The following SYNE1 variants were observed in gnomAD, a reference collection of about 807,000 sequenced individuals.
The protein encoded by SYNE1 is spectrin repeat containing nuclear envelope protein 1, also known as nesprin-1.
In SYNE1, 616 loss-of-function variants were observed where a neutral mutation model predicts 1,111.0. That is an observed-to-expected ratio of 0.55 (90% CI 0.52 to 0.59). The LOEUF is 0.59. Ranked by LOEUF, SYNE1 falls within the 20% of genes least tolerant of loss-of-function variation. SYNE1 has a pLI of 0.00. For synonymous variants in SYNE1, 3,855 were observed against 3,825.8 expected (o/e 1.01, Z -0.28); for missense variants, 10,006 against 10,417.0 (o/e 0.96, Z 1.72).
intron 40 of SYNE1, 37 bp from the exon 41 acceptor site, chr6:152,417,052 C>A: frequency 6.2e-7 from 1 of 1,611,590 alleles, no homozygotes; most frequent in South Asian, 1.1e-5. Context: ...TCCTGAGATA[C>A]ACTACAGTCT....
chr6:152,403,367 A>G (rs555624311), intron 46 of SYNE1, among the ~76,000 whole-genome samples: 1 of 152,284 alleles, frequency 6.6e-6, no homozygotes, highest in African/African-American at 2.4e-5. Context: ...TGATCCCTCT[A>G]AACCCAGTTA....
In SYNE1 at chr6:152,176,393, C is replaced by T. The variant is rs1409294007; in HGVS notation, c.23627+1G>A. The T allele has an allele frequency of 1.9e-6, 3 of 1,613,976 alleles. No homozygotes were observed. Among genetic ancestry groups the T allele is most frequent in the Non-Finnish European group, 1.7e-6 (2 of 1,180,006 alleles). ...GCCCTATTGACTCAGGTCCTCTTTA[C>T]CTGGCTGCAATGAGGTCCAGGAGAT... On this transcript the variant is annotated splice_donor_variant, in intron 130 of 145. Transcript: ENST00000367255. LOFTEE classifies it high-confidence loss of function.
intron 8 of SYNE1, among the ~76,000 whole-genome samples, chr6:152,509,359 C>A (rs903781625): frequency 1.3e-5 from 2 of 149,954 alleles, no homozygotes; most frequent in Non-Finnish European, 3.0e-5. Context: ...CAGGTTCAAG[C>A]GATTCTGGTG....
At chr6:152,334,961 T>C (rs2096348398) in intron 76 of SYNE1, among the ~76,000 whole-genome samples, 1 of 152,186 alleles carries the variant, frequency 6.6e-6, no homozygotes, top group Non-Finnish European at 1.5e-5. Flanking sequence ...TGGTGTTATG[T>C]ACAGAGTTGG....
chr6:152,273,260 G>A lies in SYNE1; in HGVS notation c.18574-3974C>T, dbSNP rs62428359. On this transcript the variant is annotated intron_variant, in intron 98 of 145. Coordinates refer to ENST00000367255, the MANE Select transcript of SYNE1 (RefSeq NM_182961.4). ...GGTGTGTACATGCTCAGTCCAGCCC[G>A]CTAAGTCTCAAGCCTGGCCTTTCAG... 7.7e-3 allele frequency among the ~76,000 whole-genome samples: 1,166 copies of A among 152,306 alleles called. 9 individuals carry two copies. The highest frequency in any genetic ancestry group is 0.013 in the Non-Finnish European group (903 of 68,036).
At chr6:152,599,540 C>A (rs1393223737) in intron 3 of SYNE1, among the ~76,000 whole-genome samples, 2 of 152,174 alleles carry the variant, frequency 1.3e-5, no homozygotes, top group African/African-American at 4.8e-5. Flanking sequence ...CCAGATACAT[C>A]AGGGTTTTTT....
intron 116 of SYNE1, among the ~76,000 whole-genome samples, chr6:152,225,070 T>A (rs1011229298): frequency 2.0e-5 from 3 of 151,396 alleles, no homozygotes; most frequent in Non-Finnish European, 2.9e-5. Flanking sequence ...CATTAACTCA[T>A]TTAATCCTCA....
At chr6:152,133,804 T>A (rs1195738033) in intron 142 of SYNE1, 1 of 337,624 alleles carries the variant, frequency 3.0e-6, no homozygotes, top group Non-Finnish European at 5.5e-6. Context: ...GCAAGTGAGA[T>A]GTAAGATAAT....
At position 152,425,412 on chromosome 6, in the gene SYNE1, A is replaced by T; in HGVS notation, c.5236T>A (p.Trp1746Arg). Residue 1746 changes from tryptophan (W) to arginine (R), a missense_variant, in exon 39 of 146, where the codon TGG (tryptophan) becomes AGG (arginine). Trp to Arg is a moderately radical substitution (Grantham distance 101, BLOSUM62 -3). This residue lies in a region of SYNE1 where 1,971 missense variants were observed against 2,084.1 expected (regional missense o/e 0.95). Coordinates refer to ENST00000367255, the MANE Select transcript of SYNE1 (RefSeq NM_182961.4). The stretch of plus-strand genomic sequence containing the variant: ...TTAATGATCTGTGGTAAATCTCTCC[A>T]TCTCTCATCCAACTGCTCCAAATGT... Reference protein sequence around the residue: ...KLHLEQLDERWRDLPQIINKR... With the variant: ...KLHLEQLDERRRDLPQIINKR... 1 of 1,614,202 alleles carries T rather than the reference A, an allele frequency of 6.2e-7. No homozygotes were observed. The highest frequency in any genetic ancestry group is 1.3e-5 in the African/African-American group (1 of 75,068).
intron 22 of SYNE1, among the ~76,000 whole-genome samples, chr6:152,457,079 A>G (rs2098701238): frequency 6.6e-6 from 1 of 152,204 alleles, no homozygotes; most frequent in Non-Finnish European, 1.5e-5. Context: ...AGATATCACC[A>G]TGTCTAAAAA....
chr6:152,401,050 A>T, intron 47 of SYNE1, 88 bp downstream of exon 47: 1 of 1,333,520 alleles, frequency 7.5e-7, no homozygotes, highest in Non-Finnish European at 1.1e-6. Flanking sequence ...AACTGAGAGC[A>T]GAGGTTATAT....
intron 3 of SYNE1, among the ~76,000 whole-genome samples, chr6:152,607,806 G>A (rs1175745437): frequency 6.6e-6 from 1 of 152,134 alleles, no homozygotes; most frequent in African/African-American, 2.4e-5. Context: ...GTGATAGACT[G>A]GATAAAGAAA....
chr6:152,320,782 C>T (rs1296327434), intron 84 of SYNE1, among the ~76,000 whole-genome samples: 1 of 152,162 alleles, frequency 6.6e-6, no homozygotes, highest in Admixed American at 6.5e-5. Flanking sequence ...GGGGACCCAC[C>T]CGCATGCATT....
At chr6:152,158,850 A>G (rs2061859032) in intron 131 of SYNE1, among the ~76,000 whole-genome samples, 1 of 152,232 alleles carries the variant, frequency 6.6e-6, no homozygotes, top group Admixed American at 6.5e-5. Flanking sequence ...TAAATACTCA[A>G]AAGTTTTTGT....
intron 3 of SYNE1, among the ~76,000 whole-genome samples, chr6:152,625,667 T>A (rs2099684264): frequency 6.6e-6 from 1 of 152,172 alleles, no homozygotes; most frequent in South Asian, 2.1e-4. Context: ...AGCTAATTAA[T>A]GCAATAAGTA....
intron 130 of SYNE1, among the ~76,000 whole-genome samples, chr6:152,174,559 G>T (rs550075847): frequency 3.3e-5 from 5 of 152,128 alleles, no homozygotes; most frequent in Non-Finnish European, 5.9e-5. Flanking sequence ...AAAGAACTGA[G>T]AAATTAGATT....
At chr6:152,274,679 C>T (rs1439797964) in intron 98 of SYNE1, among the ~76,000 whole-genome samples, 1 of 152,138 alleles carries the variant, frequency 6.6e-6, no homozygotes, top group Non-Finnish European at 1.5e-5. Flanking sequence ...TCACTGCAAC[C>T]TCTGCCTCCT....
In SYNE1 at chr6:152,428,362, T is replaced by C. The variant is rs752342922; in HGVS notation, c.4819A>G (p.Ser1607Gly). 52 of 1,613,872 alleles carry C rather than the reference T, an allele frequency of 3.2e-5. No homozygotes were observed. The highest frequency in any genetic ancestry group is 1.3e-4 in the Admixed American group (8 of 60,006). The change falls in exon 37 of 146, where the codon AGC becomes GGC. Residue 1607 changes from serine to glycine, a missense_variant. Ser to Gly is a moderately conservative substitution (Grantham distance 56, BLOSUM62 0). Transcript: ENST00000367255. ...CTGGCTGAGAAGGCAGTGATCGCGC[T>C]GCTCAGTGACTCCAGGGCCTGGCAG... ...DLCQALESLSSAITAFSASAR... is the reference protein window; with the variant it reads ...DLCQALESLSGAITAFSASAR...
At chr6:152,197,739 TG>T (rs1181449176) in intron 127 of SYNE1, among the ~76,000 whole-genome samples, 1 of 152,194 alleles carries the variant, frequency 6.6e-6, no homozygotes, top group Non-Finnish European at 1.5e-5. Flanking sequence ...TGGTGCCATC[TG>T]GGTTTTGTTG....
Sources: gnomAD v4.1 joint callset for allele counts (sites outside exome capture counted in the v4.1 genomes callset) on GRCh38, gnomAD v4.1.1 for gene constraint, gnomAD v4.1.1 regional missense constraint, MANE v1.5 for transcripts, NCBI Gene and HGNC (gene_info 2026-07-23, HGNC 2026-07-21) for gene names.